CCND3: variants seen among roughly 807,000 people sequenced by gnomAD.
CCND3 encodes cyclin D3, also known as G1/S-specific cyclin-D3.
CCND3 carries 9 observed loss-of-function variants against 28.7 expected under a neutral mutation model. The ratio of observed to expected loss-of-function variants is 0.31; its 90% CI spans 0.19 to 0.55. The LOEUF (loss-of-function observed/expected upper bound fraction) is 0.55, where lower values mean the gene tolerates loss of function less well. Ranked by LOEUF, CCND3 falls within the 20% of genes least tolerant of loss-of-function variation. The pLI is 0.93. For missense variants in CCND3, 315 were observed against 385.8 expected (o/e 0.82, Z 1.54); for synonymous variants, 164 against 163.9 (o/e 1.00, Z 0.00).
chr6:41,940,700 C>G, intron 1 of CCND3, 115 bp from the exon 2 acceptor site: 1 of 790,988 alleles, frequency 1.3e-6, no homozygotes, highest in Admixed American at 2.0e-5. Context: ...AGAGGGTAAG[C>G]TACTTAGAGA....
intron 1 of CCND3, among the ~76,000 whole-genome samples, chr6:41,979,303 G>T (rs957686130): frequency 5.3e-5 from 8 of 151,878 alleles, no homozygotes; most frequent in African/African-American, 1.9e-4. Context: ...GGAGGCCAAG[G>T]CGGGTGGATC....
chr6:42,037,165 C>A (rs1438936704), intron 1 of CCND3, among the ~76,000 whole-genome samples: 1 of 152,058 alleles, frequency 6.6e-6, no homozygotes, highest in Non-Finnish European at 1.5e-5. Context: ...TGGTCTCGAT[C>A]TCCTGACCTC....
intron 1 of CCND3, among the ~76,000 whole-genome samples, chr6:42,044,783 T>TTTTATTTATTTATTTATTTATTTATTTA (rs70987565): frequency 3.4e-4 from 49 of 143,138 alleles, no homozygotes; most frequent in African/African-American, 1.0e-3. Context: ...CTTTCTTTCC[T>TTTTATTTATTTATTTATTTATTTATTTA]TTTATTTATT....
chr6:41,937,675 A>T, intron 2 of CCND3: 1 of 458,422 alleles, frequency 2.2e-6, no homozygotes, highest in Non-Finnish European at 4.0e-6. Context: ...TAAGGGGCCA[A>T]TAATCCAGGC....
chr6:41,966,111 G>C (rs1023754725), intron 1 of CCND3, among the ~76,000 whole-genome samples: 5 of 152,120 alleles, frequency 3.3e-5, no homozygotes, highest in African/African-American at 9.7e-5. Flanking sequence ...TTTAGGGATG[G>C]TTATGAGAAT....
In CCND3 at chr6:41,940,820, G is replaced by A. The variant is rs1177020508; in HGVS notation, c.199-235C>T. 37 of 1,003,922 alleles carry A rather than the reference G, an allele frequency of 3.7e-5. No homozygotes were observed. The Admixed American group carries it at 6.0e-4, about 16-fold the overall frequency. 62.2% of individuals were successfully genotyped at this position (1,003,922 alleles called of 1,614,324 possible). On this transcript the variant is annotated intron_variant, in intron 1 of 4. Transcript: ENST00000372991. The stretch of plus-strand genomic sequence containing the variant: ...TTGACGGGGGAGTGGTAAAGCCAAG[G>A]AGCCCTTGCTCACGGAGGATTCCAA...
At chr6:42,038,346 C>T (rs1416762221) in intron 1 of CCND3, among the ~76,000 whole-genome samples, 2 of 151,930 alleles carry the variant, frequency 1.3e-5, no homozygotes, top group African/African-American at 2.4e-5. Context: ...CAAGACCAGC[C>T]TGCGCAACAT....
chr6:41,967,451 C>T (rs916553063), intron 1 of CCND3, among the ~76,000 whole-genome samples: 6 of 152,168 alleles, frequency 3.9e-5, no homozygotes, highest in African/African-American at 1.4e-4. Flanking sequence ...GACTAAGCCT[C>T]GATTTCTTCA....
At chr6:41,978,070 C>T (rs1414455860) in intron 1 of CCND3, among the ~76,000 whole-genome samples, 1 of 144,480 alleles carries the variant, frequency 6.9e-6, no homozygotes. Context: ...AAGAAAAAAA[C>T]TCTAACCATT....
chr6:42,041,769 A>T (rs1005716732), intron 1 of CCND3, among the ~76,000 whole-genome samples: 5 of 152,202 alleles, frequency 3.3e-5, no homozygotes, highest in African/African-American at 1.2e-4. Flanking sequence ...AGAGCTTAAG[A>T]CTTTGCGAAT....
At chr6:41,937,026 C>T in intron 3 of CCND3, 1 of 620,486 alleles carries the variant, frequency 1.6e-6, no homozygotes, top group Non-Finnish European at 2.8e-6. Flanking sequence ...TCTCTCTATA[C>T]CCTCAGTGTC....
At position 42,048,809 on chromosome 6, in the gene CCND3, A is replaced by C; in HGVS notation, c.-354T>G. 2.4e-6 allele frequency: 1 copy of C among 412,678 alleles called. No individual in the cohort carries two copies. Among genetic ancestry groups the C allele is most frequent in the Non-Finnish European group, 4.8e-6 (1 of 209,912 alleles). The allele number at this position is 412,678 out of a possible 1,614,324, so 25.6% of individuals were successfully genotyped here. ...TTTCGGTCCCCGGCCTGACTCTCCC[A>C]CCCCCTGTACACCCTCGGCGAGGCC... On this transcript the variant is annotated 5_prime_UTR_variant, in exon 1 of 5. Coordinates refer to the CCND3 transcript ENST00000372988. This position sits in a 1 kb window ranked among gnomAD's most constrained non-coding sequence, Gnocchi z 4.7.
At chr6:42,004,876 A>G (rs994372642) in intron 1 of CCND3, among the ~76,000 whole-genome samples, 3 of 152,218 alleles carry the variant, frequency 2.0e-5, no homozygotes, top group Admixed American at 1.3e-4. Flanking sequence ...CATATGGTCT[A>G]TTTATCTATA....
At chr6:42,007,082 T>C (rs1028975591) in intron 1 of CCND3, among the ~76,000 whole-genome samples, 2 of 152,112 alleles carry the variant, frequency 1.3e-5, no homozygotes, top group African/African-American at 4.8e-5. Flanking sequence ...TACTACTTCA[T>C]AATATACATA....
rs117824268 is a variant in CCND3 at position 41,984,231 on chromosome 6, G to C, written c.-45-43646C>G. On this transcript the variant is annotated intron_variant, in intron 1 of 4. Transcript: ENST00000372988. ...GTTGATTGTATATCTTGGCAATTGG[G>C]AATAACACTGCTATGAACATAGAGG... Among the ~76,000 whole-genome samples the C allele has an allele frequency of 1.7e-3, 261 of 152,222 alleles. 5 individuals are homozygous for C. In the East Asian group the frequency reaches 0.022, roughly 13 times the overall value.
At chr6:41,954,551 CAA>C (rs34116961) in intron 1 of CCND3, among the ~76,000 whole-genome samples, 1,236 of 122,592 alleles carry the variant, frequency 0.01, 5 homozygotes, top group Non-Finnish European at 0.013. Context: ...GACTCTGTCT[CAA>C]AAAAAAAAAA....
intron 1 of CCND3, among the ~76,000 whole-genome samples, chr6:41,961,585 AAAC>A (rs1352732684): frequency 1.3e-5 from 2 of 151,552 alleles, no homozygotes; most frequent in Middle Eastern, 3.4e-3. Flanking sequence ...ACAACAACAA[AAAC>A]AACAACAACT....
At chr6:42,027,231 G>A (rs1027081294) in intron 1 of CCND3, among the ~76,000 whole-genome samples, 10 of 151,902 alleles carry the variant, frequency 6.6e-5, no homozygotes, top group African/African-American at 2.2e-4. Context: ...CGAGGTCAGG[G>A]GATCGAGACC....
rs34556754 is a variant in CCND3 at position 41,954,250 on chromosome 6, T to TAAAAAAAAAAAAAAAAAA, written c.-45-13683_-45-13666dup. Among the ~76,000 whole-genome samples, 40 of 35,146 alleles carry TAAAAAAAAAAAAAAAAAA rather than the reference T, an allele frequency of 1.1e-3. 1 individual carries two copies. Among genetic ancestry groups the TAAAAAAAAAAAAAAAAAA allele is most frequent in the African/African-American group, 2.7e-3 (21 of 7,740 alleles). 23.1% of individuals were successfully genotyped at this position (35,146 alleles called of 152,430 possible). A position where few individuals can be genotyped will look rare whatever the true frequency, so the allele number is the denominator to read the frequency against. Reference sequence around the variant, plus strand: ...TGGGGTACAGAGCAAGATTCTGCCTTAAAAAAAAAAAAAAAAAAAAAAAAA... The same window carrying TAAAAAAAAAAAAAAAAAA: ...TGGGGTACAGAGCAAGATTCTGCCTTAAAAAAAAAAAAAAAAAAAAAAAAAAAAAAAAAAAAAAAAAAA... On this transcript the variant is annotated intron_variant, in intron 1 of 4. Transcript: ENST00000372988.
Sources: allele counts gnomAD v4.1 joint callset (sites outside exome capture counted in the v4.1 genomes callset), GRCh38; gene constraint gnomAD v4.1.1; non-coding constraint Gnocchi (gnomAD v3.1); transcripts MANE v1.5; gene names NCBI Gene and HGNC (gene_info 2026-07-23, HGNC 2026-07-21).